The following SLCO1A2 variants were observed in gnomAD, a reference collection of about 807,000 sequenced individuals.
The protein encoded by SLCO1A2 is OATP-1.
Under a neutral mutation model 69.0 loss-of-function variants are expected in SLCO1A2, and 67 were observed. The observed-to-expected ratio is 0.97, with a 90% confidence interval of 0.80 to 1.19. SLCO1A2 has a LOEUF of 1.19. Among genes scored for constraint, SLCO1A2 ranks in the 50% most tolerant of loss-of-function variants. SLCO1A2 has a pLI of 0.00. For missense variants in SLCO1A2, 787 were observed against 793.7 expected (o/e 0.99, Z 0.10); for synonymous variants, 260 against 265.9 (o/e 0.98, Z 0.22).
At chr12:21,402,850 CTT>C (rs1449832982) in intron 1 of SLCO1A2, among the ~76,000 whole-genome samples, 1 of 152,028 alleles carries the variant, frequency 6.6e-6, no homozygotes, top group African/African-American at 2.4e-5. Flanking sequence ...CCAAAATTGA[CTT>C]TTTTATATAC....
chr12:21,318,268 G>A (rs58406283), intron 3 of SLCO1A2, among the ~76,000 whole-genome samples: 2,442 of 151,950 alleles, frequency 0.016, 65 homozygotes, highest in African/African-American at 0.055. Flanking sequence ...ACAGGCGCCC[G>A]CCACCATACC....
intron 2 of SLCO1A2, chr12:21,373,254 T>TA: frequency 1.1e-6 from 1 of 887,866 alleles, no homozygotes; most frequent in Non-Finnish European, 1.9e-6. Flanking sequence ...ATGTTTCTTT[T>TA]AAAAACTAAG....
rs1035118364 is a variant in SLCO1A2, at chr12:21,353,122, CT to C, written c.-62-18414del. ...CTATACACATTACTGCTTAAAACCC[CT>C]ATTATAATTTTAATCAAACACAGTA... On this transcript the variant is annotated intron_variant, in intron 2 of 15. Coordinates refer to the SLCO1A2 transcript ENST00000307378. 3.3e-5 allele frequency among the ~76,000 whole-genome samples: 5 copies of C among 152,052 alleles called. No homozygotes were observed. In the South Asian group the frequency reaches 8.3e-4, roughly 25 times the overall value.
At chr12:21,400,905 A>C (rs903097537) in intron 1 of SLCO1A2, among the ~76,000 whole-genome samples, 2 of 144,830 alleles carry the variant, frequency 1.4e-5, no homozygotes, top group Non-Finnish European at 3.1e-5. Flanking sequence ...GAGGGATAGC[A>C]TCGGGAGATA....
chr12:21,300,477 T>A lies in SLCO1A2; in HGVS notation c.781A>T (p.Ile261Phe). The change falls in exon 8 of 15, where the codon ATT becomes TTT. Residue 261 changes from isoleucine (I) to phenylalanine (F), a missense_variant. Transcript: ENST00000683939. The stretch of plus-strand genomic sequence containing the variant: ...GTGTTGGGCAAAAAGAAAAAAGGAA[T>A]GGCAGTGAGCACGTTAACTCCTGCA... ...ICAGVNVLTA[I>F]PFFFLPNTLP... is the part of the protein sequence containing the mutation. 2 of 1,613,612 alleles carry A rather than the reference T, an allele frequency of 1.2e-6. No individual in the cohort carries two copies. Among genetic ancestry groups the A allele is most frequent in the Non-Finnish European group, 1.7e-6 (2 of 1,179,782 alleles).
chr12:21,388,532 T>C (rs1488251794), intron 1 of SLCO1A2, among the ~76,000 whole-genome samples: 4 of 152,166 alleles, frequency 2.6e-5, no homozygotes. Context: ...TCCTCCTTCT[T>C]CTGCCATGAT....
At chr12:21,321,423 C>T (rs1951608846) in intron 2 of SLCO1A2, among the ~76,000 whole-genome samples, 1 of 152,186 alleles carries the variant, frequency 6.6e-6, no homozygotes, top group African/African-American at 2.4e-5. Context: ...TACCTCCAAC[C>T]TCTCTTTCAC....
In SLCO1A2 at chr12:21,266,581, G is replaced by A. The variant is rs993203854; in HGVS notation, c.*2967C>T. 2 of 152,000 alleles carry A rather than the reference G, an allele frequency of 1.3e-5. No homozygotes were observed. Among genetic ancestry groups the A allele is most frequent in the Admixed American group, 6.6e-5 (1 of 15,246 alleles). 9.4% of individuals were successfully genotyped at this position (152,000 alleles called of 1,614,324 possible). ...TATTTCCACCCACAGAAGTCATTCTGGTTCTGTCTCCATGTCTATATACAC... is the reference window on the plus strand; with the variant it reads ...TATTTCCACCCACAGAAGTCATTCTAGTTCTGTCTCCATGTCTATATACAC... On this transcript the variant is annotated 3_prime_UTR_variant, in exon 15 of 15. Coordinates refer to ENST00000683939, the MANE Select transcript of SLCO1A2 (RefSeq NM_001386879.1).
intron 2 of SLCO1A2, among the ~76,000 whole-genome samples, chr12:21,344,708 C>T (rs1287245652): frequency 6.6e-6 from 1 of 151,912 alleles, no homozygotes; most frequent in African/African-American, 2.4e-5. Context: ...ATAAAGGAAA[C>T]ATATGAATTA....
intron 2 of SLCO1A2, among the ~76,000 whole-genome samples, chr12:21,365,911 G>A (rs1478892371): frequency 6.6e-6 from 1 of 152,202 alleles, no homozygotes; most frequent in Non-Finnish European, 1.5e-5. Flanking sequence ...AGGTGCTGGA[G>A]AGGATGTGGA....
At chr12:21,307,234 A>G (rs1949527152) in intron 4 of SLCO1A2, among the ~76,000 whole-genome samples, 1 of 152,224 alleles carries the variant, frequency 6.6e-6, no homozygotes, top group African/African-American at 2.4e-5. Flanking sequence ...CTACCTTTAG[A>G]TTATCAAATA....
intron 1 of SLCO1A2, among the ~76,000 whole-genome samples, chr12:21,400,887 GGA>G (rs71043271): frequency 0.13 from 13,501 of 106,134 alleles, 832 homozygotes; most frequent in East Asian, 0.34. Flanking sequence ...TGGGGTGGGG[GGA>G]GGGGGGAGGG....
chr12:21,399,912 C>A (rs2137186223), upstream of SLCO1A2, among the ~76,000 whole-genome samples: 1 of 151,486 alleles, frequency 6.6e-6, no homozygotes, highest in African/African-American at 2.4e-5. Context: ...AGACCTAAAA[C>A]CATAAAAACC....
At position 21,285,270 on chromosome 12, in the gene SLCO1A2, C is replaced by A. The variant is rs540298072; in HGVS notation, c.1610+6894G>T. ...CTAGAAAATCTAGAAGAAATGGATA[C>A]ATTCCTTGACACATACACTCTCCCA... On this transcript the variant is annotated intron_variant, in intron 12 of 14. Coordinates refer to ENST00000683939, the MANE Select transcript of SLCO1A2 (RefSeq NM_001386879.1). 1.6e-4 allele frequency among the ~76,000 whole-genome samples: 25 copies of A among 152,268 alleles called. No homozygotes were observed. In the East Asian group the frequency reaches 3.7e-3, roughly 22 times the overall value.
chr12:21,288,528 G>A (rs771423944), intron 12 of SLCO1A2, among the ~76,000 whole-genome samples: 31 of 152,158 alleles, frequency 2.0e-4, no homozygotes, highest in Non-Finnish European at 3.7e-4. Context: ...GGTAGCCTGG[G>A]TGTGGTGGGG....
chr12:21,370,345 ATACTTT>A (rs1473278729), intron 2 of SLCO1A2, among the ~76,000 whole-genome samples: 3 of 150,846 alleles, frequency 2.0e-5, no homozygotes, highest in Admixed American at 2.0e-4. Flanking sequence ...TTTTTTTATT[ATACTTT>A]AAGTTTTAGG....
At chr12:21,359,555 C>T (rs1938648076) in intron 2 of SLCO1A2, among the ~76,000 whole-genome samples, 1 of 152,136 alleles carries the variant, frequency 6.6e-6, no homozygotes, top group African/African-American at 2.4e-5. Flanking sequence ...AACACCCAAT[C>T]AACATTGTAG....
At chr12:21,328,751 G>T (rs928557044) in intron 2 of SLCO1A2, among the ~76,000 whole-genome samples, 2 of 151,396 alleles carry the variant, frequency 1.3e-5, no homozygotes, top group African/African-American at 4.9e-5. Flanking sequence ...CCCCCACCCA[G>T]TTTCCCCTGA....
At position 21,319,671 on chromosome 12, in the gene SLCO1A2, T is replaced by C. The variant is rs369542573; in HGVS notation, c.61-748A>G. 9.2e-4 allele frequency: 315 copies of C among 341,488 alleles called. 1 individual carries two copies. The highest frequency in any genetic ancestry group is 1.3e-3 in the Non-Finnish European group (231 of 172,972). The allele number at this position is 341,488 out of a possible 1,614,324, so 21.2% of individuals were successfully genotyped here. A position where few individuals can be genotyped will look rare whatever the true frequency, so the allele number is the denominator to read the frequency against. ...TTGGAGAATCAGCTCACCTGGACCATTGGCTTCTGTTTATCCTTACTGCTT... is the reference window on the plus strand; with the variant it reads ...TTGGAGAATCAGCTCACCTGGACCACTGGCTTCTGTTTATCCTTACTGCTT... On this transcript the variant is annotated intron_variant, in intron 2 of 14. Coordinates refer to ENST00000683939, the MANE Select transcript of SLCO1A2 (RefSeq NM_001386879.1).
Sources: allele counts gnomAD v4.1 joint callset (sites outside exome capture counted in the v4.1 genomes callset), GRCh38; gene constraint gnomAD v4.1.1; transcripts MANE v1.5; gene names NCBI Gene and HGNC (gene_info 2026-07-23, HGNC 2026-07-21).